SLMAP: variants seen among roughly 807,000 people sequenced by gnomAD.
SLMAP encodes the protein sarcolemma associated protein.
A neutral mutation model predicts 128.8 loss-of-function variants in SLMAP; 44 were observed. The observed-to-expected ratio is 0.34, with a 90% CI of 0.27 to 0.44. The LOEUF is 0.44. Among genes scored for constraint, SLMAP ranks in the 20% least tolerant of loss-of-function variants. The pLI is 1.00. For synonymous variants in SLMAP, 327 were observed against 348.8 expected (o/e 0.94, Z 0.70); for missense variants, 787 against 985.3 (o/e 0.80, Z 2.69).
chr3:57,903,397 A>G (rs1157200944), intron 17 of SLMAP, among the ~76,000 whole-genome samples: 1 of 152,216 alleles, frequency 6.6e-6, no homozygotes, highest in Non-Finnish European at 1.5e-5. Context: ...CACTTCTATC[A>G]GTTGATGACA....
rs145157030 is a variant in SLMAP, at chr3:57,815,237, G to A, written c.199-16146G>A. 2.2e-3 allele frequency among the ~76,000 whole-genome samples: 332 copies of A among 152,178 alleles called. 1 individual carries two copies. The highest frequency in any genetic ancestry group is 7.7e-3 in the African/African-American group (319 of 41,502). ...CACCACTGATCTGACAGGAAGTGGCGCTCACGTGGTAATGCTCACTCGCCC... is the reference window on the plus strand; with the variant it reads ...CACCACTGATCTGACAGGAAGTGGCACTCACGTGGTAATGCTCACTCGCCC... On this transcript the variant is annotated intron_variant, in intron 2 of 24. Coordinates refer to ENST00000671191, the MANE Select transcript of SLMAP (RefSeq NM_001377540.1).
intron 6 of SLMAP, among the ~76,000 whole-genome samples, chr3:57,856,410 T>A (rs2094792076): frequency 6.6e-6 from 1 of 151,830 alleles, no homozygotes; most frequent in African/African-American, 2.4e-5. Flanking sequence ...TATAAGCTTT[T>A]TATTATTAAA....
intron 2 of SLMAP, among the ~76,000 whole-genome samples, chr3:57,816,045 AG>A (rs1398530586): frequency 2.3e-4 from 35 of 152,224 alleles, no homozygotes; most frequent in African/African-American, 8.4e-4. Flanking sequence ...ATATAGGTAA[AG>A]GGAGGCTCAA....
At chr3:57,780,978 A>C (rs976815779) in intron 2 of SLMAP, among the ~76,000 whole-genome samples, 2 of 151,308 alleles carry the variant, frequency 1.3e-5, no homozygotes, top group Admixed American at 6.6e-5. Flanking sequence ...ATATACATAC[A>C]CATATATATA....
At chr3:57,825,494 T>C (rs1471097579) in intron 2 of SLMAP, among the ~76,000 whole-genome samples, 2 of 150,758 alleles carry the variant, frequency 1.3e-5, no homozygotes, top group Non-Finnish European at 3.0e-5. Flanking sequence ...GATGATTGTG[T>C]GTTTTCTTTT....
intron 2 of SLMAP, among the ~76,000 whole-genome samples, chr3:57,815,394 C>A (rs2091715887): frequency 6.6e-6 from 1 of 152,146 alleles, no homozygotes; most frequent in South Asian, 2.1e-4. Flanking sequence ...GGTTTTCTGT[C>A]CATGCTGTGA....
chr3:57,856,955 A>T (rs897939629), intron 6 of SLMAP, among the ~76,000 whole-genome samples: 4 of 152,168 alleles, frequency 2.6e-5, no homozygotes, highest in African/African-American at 9.6e-5. Flanking sequence ...TACTGTGTAT[A>T]TGCAGTCTAT....
intron 3 of SLMAP, 69 bp from the exon 4 acceptor site, chr3:57,841,230 T>C: frequency 1.1e-6 from 1 of 878,620 alleles, no homozygotes. Flanking sequence ...TATGTTTACA[T>C]ATGAGAGGTG....
intron 2 of SLMAP, among the ~76,000 whole-genome samples, chr3:57,787,499 CAG>C (rs2084470467): frequency 6.6e-6 from 1 of 152,122 alleles, no homozygotes; most frequent in South Asian, 2.1e-4. Context: ...TTTTTTGAGA[CAG>C]AGTCTCACTC....
intron 13 of SLMAP, among the ~76,000 whole-genome samples, chr3:57,867,396 AC>A (rs1439074473): frequency 1.3e-5 from 2 of 152,158 alleles, no homozygotes; most frequent in African/African-American, 4.8e-5. Flanking sequence ...ATAATAGTAG[AC>A]TGTTTTCATA....
intron 2 of SLMAP, among the ~76,000 whole-genome samples, chr3:57,830,654 A>G (rs2093277474): frequency 6.6e-6 from 1 of 152,198 alleles, no homozygotes. Flanking sequence ...GATGAGAAGC[A>G]AATTTGGACA....
chr3:57,908,077 C>G, intron 18 of SLMAP, 71 bp downstream of exon 18: 2 of 1,470,084 alleles, frequency 1.4e-6, no homozygotes, highest in African/African-American at 2.8e-5. Flanking sequence ...TGGCCCCAAA[C>G]TTGGAGTCCG....
intron 2 of SLMAP, among the ~76,000 whole-genome samples, chr3:57,810,062 G>T (rs1306356582): frequency 1.3e-5 from 2 of 152,162 alleles, no homozygotes; most frequent in African/African-American, 2.4e-5. Context: ...CCAAGCCAGG[G>T]CTGTGACTCT....
chr3:57,814,389 C>T (rs2091545990), intron 2 of SLMAP, among the ~76,000 whole-genome samples: 1 of 152,098 alleles, frequency 6.6e-6, no homozygotes, highest in Non-Finnish European at 1.5e-5. Flanking sequence ...AATGCGCCCA[C>T]CTCAACCGCT....
chr3:57,840,827 A>G (rs924560904), intron 3 of SLMAP, among the ~76,000 whole-genome samples: 1 of 152,216 alleles, frequency 6.6e-6, no homozygotes, highest in Non-Finnish European at 1.5e-5. Context: ...TCTCACCCAT[A>G]AAATGGGGGA....
chr3:57,913,067 A>T lies in SLMAP; in HGVS notation c.2021-91A>T, dbSNP rs927868523. 2.4e-5 allele frequency: 16 copies of T among 661,742 alleles called. No individual in the cohort carries two copies. In the African/African-American group the frequency reaches 2.9e-4, roughly 12 times the overall value. The allele number at this position is 661,742 out of a possible 1,614,324, so 41.0% of individuals were successfully genotyped here. ...ACTTGCTTTTAAGGGGGCAAAAAGT[A>T]TGTTCTCCTCTGAAATCTTTTCCTT... On this transcript the variant is annotated intron_variant, in intron 20 of 24. Transcript: ENST00000671191.
rs553262496 is a variant in SLMAP at position 57,757,862 on chromosome 3, C to T, written c.198+13C>T. The stretch of plus-strand genomic sequence containing the variant: ...CAAGACGGGCAAGGTAATGTCACCA[C>T]ATTGTCCAGCGGCATTGTTTAACAA... On this transcript the variant is annotated intron_variant, in intron 2 of 24. Transcript: ENST00000671191. 3.7e-5 allele frequency: 59 copies of T among 1,612,768 alleles called. 2 individuals are homozygous for T. The South Asian group carries it at 5.9e-4, about 16-fold the overall frequency.
intron 19 of SLMAP, among the ~76,000 whole-genome samples, chr3:57,909,677 G>T (rs1016471834): frequency 1.3e-5 from 2 of 151,538 alleles, no homozygotes; most frequent in African/African-American, 2.4e-5. Context: ...CAATGGCGCG[G>T]TCTCACCTTA....
intron 2 of SLMAP, among the ~76,000 whole-genome samples, chr3:57,808,203 A>G (rs996363972): frequency 6.6e-6 from 1 of 152,054 alleles, no homozygotes; most frequent in Non-Finnish European, 1.5e-5. Flanking sequence ...TTTTCAAAAA[A>G]TTAGCCCCTA....
Sources: allele counts gnomAD v4.1 joint callset (sites outside exome capture counted in the v4.1 genomes callset), GRCh38; gene constraint gnomAD v4.1.1; transcripts MANE v1.5; gene names NCBI Gene and HGNC (gene_info 2026-07-23, HGNC 2026-07-21).